Variants in CDCA7L observed in about 807,000 individuals in gnomAD.
CDCA7L encodes the protein cell division cycle-associated 7-like protein.
A neutral mutation model predicts 57.4 loss-of-function variants in CDCA7L; 44 were observed. The observed-to-expected ratio is 0.77, with a 90% CI of 0.60 to 0.98. The LOEUF (loss-of-function observed/expected upper bound fraction) is 0.98, where lower values mean the gene tolerates loss of function less well. Ranked by LOEUF, CDCA7L falls within the 50% of genes least tolerant of loss-of-function variation. The pLI is 0.00. For missense variants in CDCA7L, 644 were observed against 580.6 expected, an observed-to-expected ratio of 1.11 and a Z score of -1.12; for synonymous variants, 236 against 202.8, an observed-to-expected ratio of 1.16 and a Z score of -1.39.
intron 9 of CDCA7L, 118 bp downstream of exon 9, chr7:21,902,860 C>T (rs576821113): frequency 4.1e-5 from 36 of 868,932 alleles, no homozygotes; most frequent in East Asian, 1.2e-4. Flanking sequence ...GGATGGTACT[C>T]GTGGTTTATA....
At chr7:21,927,213 C>T (rs1161037866) in intron 1 of CDCA7L, among the ~76,000 whole-genome samples, 1 of 152,128 alleles carries the variant, frequency 6.6e-6, no homozygotes, top group African/African-American at 2.4e-5. Flanking sequence ...TAGACAGACA[C>T]TGGACTTACT....
chr7:21,929,222 G>A (rs1785918056), intron 1 of CDCA7L, among the ~76,000 whole-genome samples: 1 of 152,144 alleles, frequency 6.6e-6, no homozygotes, highest in Non-Finnish European at 1.5e-5. Flanking sequence ...ATAAGTGAAA[G>A]AGAAATAAAA....
At position 21,901,499 on chromosome 7, in the gene CDCA7L, G is replaced by A; in HGVS notation, c.*823C>T. On this transcript the variant is annotated 3_prime_UTR_variant, in exon 10 of 10. Coordinates refer to ENST00000406877, the MANE Select transcript of CDCA7L (RefSeq NM_018719.5). ...TAGGAGAATCACTTGAACCTAGGAG[G>A]CAAAGGTTGCAGTGAGCCGAGGTTG... 2.7e-6 allele frequency: 1 copy of A among 369,310 alleles called. No homozygotes were observed. The allele number at this position is 369,310 out of a possible 1,614,324, so 22.9% of individuals were successfully genotyped here. A position where few individuals can be genotyped will look rare whatever the true frequency, so the allele number is the denominator to read the frequency against.
chr7:21,934,141 A>G (rs1432725705), intron 1 of CDCA7L, among the ~76,000 whole-genome samples: 1 of 152,190 alleles, frequency 6.6e-6, no homozygotes, highest in Non-Finnish European at 1.5e-5. Context: ...AAATACATGG[A>G]CAAATATAAA....
chr7:21,923,771 G>A (rs1230069190), intron 1 of CDCA7L, among the ~76,000 whole-genome samples: 1 of 152,218 alleles, frequency 6.6e-6, no homozygotes, highest in Non-Finnish European at 1.5e-5. Flanking sequence ...GGAGGACAAA[G>A]CTGTTTGCAG....
chr7:21,911,748 C>T lies in CDCA7L; in HGVS notation c.172G>A (p.Val58Met). The change falls in exon 3 of 10, where the codon GTG (valine) becomes ATG (methionine). Residue 58 changes from valine to methionine, a missense_variant. Physicochemically the swap from Val to Met is conservative, Grantham distance 21. Transcript: ENST00000406877. ...GTGAAGTATTTGGAATGAAAGCGCA[C>T]ATCCTGCTAAATTAAAGACACACAT... is the stretch of plus-strand genomic sequence containing the variant. ...DSLESGKQQD[V>M]RFHSKYFTEE... The T allele has an allele frequency of 6.2e-7, 1 of 1,611,756 alleles. No homozygotes were observed. The highest frequency in any genetic ancestry group is 8.5e-7 in the Non-Finnish European group (1 of 1,179,378).
intron 1 of CDCA7L, among the ~76,000 whole-genome samples, chr7:21,945,509 C>T (rs928360251): frequency 6.7e-6 from 1 of 150,266 alleles, no homozygotes; most frequent in Non-Finnish European, 1.5e-5. Context: ...CCCGCCTGCA[C>T]CCCCGGCGGC....
At chr7:21,908,003 A>G (rs1785193143) in intron 4 of CDCA7L, 127 bp downstream of exon 4, 11 of 955,242 alleles carry the variant, frequency 1.2e-5, no homozygotes, top group East Asian at 2.7e-5. Context: ...CACAATACCC[A>G]GAGTATATTT....
chr7:21,906,348 CAGTGAAGTTCTCTAG>C lies in CDCA7L; in HGVS notation c.847_861del (p.Leu283_Thr287del). ...TCTTCCGCAAATTTAGCGGCTGAGACAGTGAAGTTCTCTAGAGCAAACTTCTCAGGAGGCCGCGCA... is the reference window on the plus strand; with the variant it reads ...TCTTCCGCAAATTTAGCGGCTGAGACAGCAAACTTCTCAGGAGGCCGCGCA... On this transcript the variant is annotated inframe_deletion, in exon 6 of 10. Transcript: ENST00000406877. 1 of 1,613,356 alleles carries C rather than the reference CAGTGAAGTTCTCTAG, an allele frequency of 6.2e-7. No individual in the cohort carries two copies. The highest frequency in any genetic ancestry group is 8.5e-7 in the Non-Finnish European group (1 of 1,179,558).
At chr7:21,916,464 G>A (rs1293205289) in intron 2 of CDCA7L, among the ~76,000 whole-genome samples, 3 of 141,504 alleles carry the variant, frequency 2.1e-5, no homozygotes, top group Admixed American at 7.4e-5. Flanking sequence ...ACAGGTTACA[G>A]CCCCAAGGCA....
At chr7:21,933,428 A>G (rs1245482939) in intron 1 of CDCA7L, among the ~76,000 whole-genome samples, 1 of 152,350 alleles carries the variant, frequency 6.6e-6, no homozygotes, top group South Asian at 2.1e-4. Context: ...AGACTGGATA[A>G]AGAAAATGTG....
intron 3 of CDCA7L, among the ~76,000 whole-genome samples, chr7:21,909,424 C>T (rs1462215943): frequency 6.6e-6 from 1 of 151,940 alleles, no homozygotes; most frequent in Non-Finnish European, 1.5e-5. Context: ...GGAATGGCAC[C>T]GATACGGACC....
chr7:21,906,008 C>T (rs904323529), intron 6 of CDCA7L, among the ~76,000 whole-genome samples: 3 of 152,146 alleles, frequency 2.0e-5, no homozygotes, highest in Non-Finnish European at 4.4e-5. Context: ...TTCTTTATTG[C>T]CTGCAGCAGA....
intron 1 of CDCA7L, among the ~76,000 whole-genome samples, chr7:21,920,252 G>C (rs1015059116): frequency 6.6e-6 from 1 of 152,168 alleles, no homozygotes; most frequent in Non-Finnish European, 1.5e-5. Context: ...AAGGGTCTCA[G>C]GTCCTCCATC....
chr7:21,937,981 G>T (rs1319122991), intron 1 of CDCA7L, among the ~76,000 whole-genome samples: 1 of 152,066 alleles, frequency 6.6e-6, no homozygotes, highest in Non-Finnish European at 1.5e-5. Context: ...ACTCATGGAA[G>T]AAAATACAGG....
intron 1 of CDCA7L, among the ~76,000 whole-genome samples, chr7:21,937,994 A>G (rs1786225217): frequency 6.6e-6 from 1 of 152,224 alleles, no homozygotes; most frequent in Non-Finnish European, 1.5e-5. Flanking sequence ...AATACAGGGG[A>G]AAAGTTTCAT....
intron 1 of CDCA7L, among the ~76,000 whole-genome samples, chr7:21,930,892 CAAA>C (rs1394338175): frequency 2.7e-5 from 4 of 150,518 alleles, no homozygotes; most frequent in Non-Finnish European, 1.5e-5. Flanking sequence ...GCTAGCCAGA[CAAA>C]GAAGAAAAGA....
At chr7:21,921,358 A>AAAAAAC (rs1554296942) in intron 1 of CDCA7L, among the ~76,000 whole-genome samples, 5 of 150,692 alleles carry the variant, frequency 3.3e-5, no homozygotes, top group Admixed American at 6.6e-5. Flanking sequence ...AAAAAAAAAA[A>AAAAAAC]CTGTAAAATA....
At chr7:21,940,422 C>T (rs1239822286) in intron 1 of CDCA7L, 2 of 327,668 alleles carry the variant, frequency 6.1e-6, no homozygotes, top group Middle Eastern at 1.6e-3. Flanking sequence ...GCATCTAATA[C>T]ATGCTGGACA....
Sources: gnomAD v4.1 joint callset for allele counts (sites outside exome capture counted in the v4.1 genomes callset) on GRCh38, gnomAD v4.1.1 for gene constraint, MANE v1.5 for transcripts, NCBI Gene and HGNC (gene_info 2026-07-23, HGNC 2026-07-21) for gene names.